NDC80: variants seen among roughly 807,000 people sequenced by gnomAD.
NDC80 encodes kinetochore protein NDC80 homolog.
NDC80 carries 69 observed loss-of-function variants against 89.3 expected under a neutral mutation model. The ratio of observed to expected loss-of-function variants is 0.77; its 90% CI spans 0.64 to 0.94. The LOEUF is 0.94. Ranked by LOEUF, NDC80 falls within the 40% of genes least tolerant of loss-of-function variation. The pLI is 0.00. For synonymous variants in NDC80, 243 were observed against 255.6 expected, an observed-to-expected ratio of 0.95 and a Z score of 0.47; for missense variants, 593 against 739.6, an observed-to-expected ratio of 0.80 and a Z score of 2.30.
intron 16 of NDC80, among the ~76,000 whole-genome samples, chr18:2,613,249 T>C (rs1455995992): frequency 6.6e-6 from 1 of 152,242 alleles, no homozygotes; most frequent in Non-Finnish European, 1.5e-5. Flanking sequence ...GTGGCAGAAT[T>C]GAGCAATTGT....
intron 13 of NDC80, among the ~76,000 whole-genome samples, chr18:2,603,800 T>C (rs139588473): frequency 1.5e-3 from 224 of 152,104 alleles, no homozygotes; most frequent in African/African-American, 5.2e-3. Flanking sequence ...GAAACCAAAG[T>C]GAAAAAGAGA....
chr18:2,579,081 C>A, intron 6 of NDC80, 52 bp downstream of exon 6: 1 of 1,121,042 alleles, frequency 8.9e-7, no homozygotes, highest in Non-Finnish European at 1.2e-6. Flanking sequence ...TTTTTTTCCT[C>A]AAAAAAAATA....
Position 2,616,426 on chromosome 18 carries a change from C to A in NDC80, c.1792-11C>A, listed in dbSNP as rs759652340. On this transcript the variant is annotated splice_polypyrimidine_tract_variant and intron_variant, in intron 16 of 16. Transcript: ENST00000261597. Reference sequence around the variant, plus strand: ...TTTTTTACTTTAACAATTGTTAATTCTCTTCACTAGAAACATCTTGAGGAG... The same window carrying A: ...TTTTTTACTTTAACAATTGTTAATTATCTTCACTAGAAACATCTTGAGGAG... The A allele has an allele frequency of 7.6e-6, 11 of 1,445,884 alleles. No homozygotes were observed. The South Asian group carries it at 8.4e-5, about 11-fold the overall frequency. The allele number at this position is 1,445,884 out of a possible 1,614,324, so 89.6% of individuals were successfully genotyped here. A position where few individuals can be genotyped will look rare whatever the true frequency, so the allele number is the denominator to read the frequency against.
chr18:2,607,928 A>G (rs1303000648), intron 14 of NDC80, among the ~76,000 whole-genome samples: 3 of 137,462 alleles, frequency 2.2e-5, no homozygotes, highest in African/African-American at 8.1e-5. Context: ...AGAGAGAGCA[A>G]TCCTTCTATT....
chr18:2,590,045 A>C lies in NDC80; in HGVS notation c.898A>C (p.Lys300Gln). Residue 300 changes from lysine to glutamine, a missense_variant, in exon 10 of 17, where the codon AAG becomes CAG. By Grantham distance (53) the Lys-to-Gln change is moderately conservative. Coordinates refer to ENST00000261597, the MANE Select transcript of NDC80 (RefSeq NM_006101.3). ...PNRLESLRKLKASLQGDVQKY... is the reference protein window; with the variant it reads ...PNRLESLRKLQASLQGDVQKY... Reference sequence around the variant, plus strand: ...TCGTCTAGAGTCGTTGAGAAAACTGAAGGCTTCCTTACAAGGAGATGTTCA... The same window carrying C: ...TCGTCTAGAGTCGTTGAGAAAACTGCAGGCTTCCTTACAAGGAGATGTTCA... The C allele has an allele frequency of 6.2e-7, 1 of 1,602,064 alleles. No homozygotes were observed. The highest frequency in any genetic ancestry group is 8.5e-7 in the Non-Finnish European group (1 of 1,173,046).
intron 11 of NDC80, among the ~76,000 whole-genome samples, chr18:2,597,722 C>T (rs1404037010): frequency 8.1e-6 from 1 of 123,738 alleles, no homozygotes; most frequent in Non-Finnish European, 1.8e-5. Context: ...AATAGCAAAA[C>T]TCTGTCTAAA....
In NDC80 at chr18:2,589,279, C is replaced by T; in HGVS notation, c.839C>T (p.Ala280Val). The change falls in exon 9 of 17, where the codon GCA becomes GTA. Residue 280 changes from alanine (A) to valine (V), a missense_variant. Ala to Val is a moderately conservative substitution (Grantham distance 64). Coordinates refer to ENST00000261597, the MANE Select transcript of NDC80 (RefSeq NM_006101.3). ...AKNRALNEQI[A>V]RLEQEREKEP... The stretch of plus-strand genomic sequence containing the variant: ...AACAGAGCATTGAATGAACAGATTG[C>T]AAGATTGGAACAAGAAAGAGAAAAA... The T allele has an allele frequency of 1.9e-6, 3 of 1,613,354 alleles. No homozygotes were observed. The South Asian group carries it at 3.3e-5, about 18-fold the overall frequency.
At chr18:2,609,433 C>T (rs962930460) in intron 15 of NDC80, among the ~76,000 whole-genome samples, 1 of 152,064 alleles carries the variant, frequency 6.6e-6, no homozygotes, top group Non-Finnish European at 1.5e-5. Context: ...GAGGCCGAGA[C>T]AGGAGAATCA....
chr18:2,590,031 C>T lies in NDC80; in HGVS notation c.884C>T (p.Ser295Leu), dbSNP rs1196395179. Residue 295 changes from serine (S) to leucine (L), a missense_variant, in exon 10 of 17, where the codon TCG becomes TTG. Ser to Leu is a moderately radical substitution (Grantham distance 145). Transcript: ENST00000261597. ...TTTCTCTTAAAGAATCGTCTAGAGTCGTTGAGAAAACTGAAGGCTTCCTTA... is the reference window on the plus strand; with the variant it reads ...TTTCTCTTAAAGAATCGTCTAGAGTTGTTGAGAAAACTGAAGGCTTCCTTA... ...EREKEPNRLE[S>L]LRKLKASLQG... is the part of the protein sequence containing the mutation. 5.6e-6 allele frequency: 9 copies of T among 1,599,162 alleles called. No individual in the cohort carries two copies. Among genetic ancestry groups the T allele is most frequent in the South Asian group, 1.1e-5 (1 of 87,976 alleles).
chr18:2,588,470 T>G (rs2072612590), intron 8 of NDC80, among the ~76,000 whole-genome samples: 1 of 152,244 alleles, frequency 6.6e-6, no homozygotes, highest in Non-Finnish European at 1.5e-5. Context: ...TAGATAACTC[T>G]AAAACATTCC....
chr18:2,614,266 A>G (rs1490460047), intron 16 of NDC80, among the ~76,000 whole-genome samples: 1 of 151,960 alleles, frequency 6.6e-6, no homozygotes, highest in African/African-American at 2.4e-5. Context: ...GTGAAACCCC[A>G]TCTCTACTAA....
intron 16 of NDC80, among the ~76,000 whole-genome samples, chr18:2,614,100 T>A (rs574336836): frequency 6.6e-6 from 1 of 152,340 alleles, no homozygotes; most frequent in Admixed American, 6.5e-5. Context: ...ATGGGAGTTC[T>A]AATTTACTGC....
intron 7 of NDC80, among the ~76,000 whole-genome samples, chr18:2,586,956 G>A (rs187251482): frequency 6.6e-6 from 1 of 152,118 alleles, no homozygotes; most frequent in Non-Finnish European, 1.5e-5. Flanking sequence ...AAACCTATAA[G>A]ATCAAAATTG....
chr18:2,588,704 G>C (rs529804588), intron 8 of NDC80, among the ~76,000 whole-genome samples: 1 of 152,244 alleles, frequency 6.6e-6, no homozygotes, highest in East Asian at 1.9e-4. Context: ...GTTCACATGG[G>C]AAAGGGAGCA....
chr18:2,596,187 A>C (rs1304929813), intron 11 of NDC80, among the ~76,000 whole-genome samples: 3 of 152,182 alleles, frequency 2.0e-5, no homozygotes, highest in African/African-American at 7.2e-5. Context: ...TTTCTTAAAG[A>C]GGGAACAACT....
At chr18:2,596,919 T>C (rs896468810) in intron 11 of NDC80, among the ~76,000 whole-genome samples, 3 of 151,790 alleles carry the variant, frequency 2.0e-5, no homozygotes, top group Non-Finnish European at 2.9e-5. Context: ...AGTAAACTAT[T>C]GCAAGGACAA....
intron 2 of NDC80, 78 bp downstream of exon 2, chr18:2,573,164 A>T: frequency 8.8e-7 from 1 of 1,137,468 alleles, no homozygotes; most frequent in East Asian, 2.5e-5. Context: ...AGTTAATATA[A>T]AGATGTAATA....
intron 6 of NDC80, among the ~76,000 whole-genome samples, chr18:2,583,783 C>G (rs976764426): frequency 6.6e-6 from 1 of 151,914 alleles, no homozygotes; most frequent in Non-Finnish European, 1.5e-5. Flanking sequence ...AGCTCTTCTG[C>G]ATCCGCCTTA....
rs754584064 is a variant in NDC80 at position 2,616,485 on chromosome 18, T to G, written c.1840T>G (p.Cys614Gly). The G allele has an allele frequency of 6.5e-7, 1 of 1,541,274 alleles. No individual in the cohort carries two copies. Among genetic ancestry groups the G allele is most frequent in the African/African-American group, 1.4e-5 (1 of 71,960 alleles). The change falls in exon 17 of 17, where the codon TGC (cysteine) becomes GGC (glycine). Residue 614 changes from cysteine (C) to glycine (G), a missense_variant. Physicochemically the swap from Cys to Gly is radical, Grantham distance 159. Coordinates refer to ENST00000261597, the MANE Select transcript of NDC80 (RefSeq NM_006101.3). Reference sequence around the variant, plus strand: ...TAAAGTTGATAGAGAATATGAAGAATGCATGTCAGAAGATCTCTCGGAAAA... The same window carrying G: ...TAAAGTTGATAGAGAATATGAAGAAGGCATGTCAGAAGATCTCTCGGAAAA... ...IAKVDREYEE[C>G]MSEDLSENIK...
Sources: allele counts gnomAD v4.1 joint callset (sites outside exome capture counted in the v4.1 genomes callset), GRCh38; gene constraint gnomAD v4.1.1; transcripts MANE v1.5; gene names NCBI Gene and HGNC (gene_info 2026-07-23, HGNC 2026-07-21).